The following SRFBP1 variants were observed in gnomAD, a reference collection of about 807,000 sequenced individuals.
SRFBP1 encodes the protein serum response factor-binding protein 1.
SRFBP1 carries 47 observed loss-of-function variants against 45.5 expected under a neutral mutation model. That is an observed-to-expected ratio of 1.03 (90% confidence interval 0.82 to 1.32). The LOEUF is 1.32. SRFBP1 is among the 40% of genes most tolerant of loss of function. The pLI, the probability that SRFBP1 is intolerant of heterozygous loss-of-function variation, is 0.00. For synonymous variants in SRFBP1, 203 were observed against 166.3 expected, an observed-to-expected ratio of 1.22 and a Z score of -1.70; for missense variants, 621 against 484.6, an observed-to-expected ratio of 1.28 and a Z score of -2.64.
At chr5:122,071,927 G>A (rs769259111) in intron 2 of SRFBP1, among the ~76,000 whole-genome samples, 1 of 152,126 alleles carries the variant, frequency 6.6e-6, no homozygotes, top group Non-Finnish European at 1.5e-5. Flanking sequence ...CAGTGTCACA[G>A]CAGTGAGACT....
At chr5:121,998,737 T>C (rs1263361486) in intron 4 of SRFBP1, among the ~76,000 whole-genome samples, 17 of 152,236 alleles carry the variant, frequency 1.1e-4, no homozygotes. Context: ...ATCTGTACAT[T>C]TACTCTTTGA....
chr5:122,076,741 G>T (rs571020062), downstream of SRFBP1: 12 of 629,304 alleles, frequency 1.9e-5, no homozygotes, highest in African/African-American at 2.0e-4. Context: ...CTCCGTCCAG[G>T]TCAGCATGCC....
At chr5:122,022,762 C>G (rs981662384) in intron 7 of SRFBP1, among the ~76,000 whole-genome samples, 2 of 152,208 alleles carry the variant, frequency 1.3e-5, no homozygotes, top group African/African-American at 4.8e-5. Flanking sequence ...AAGTATATTA[C>G]TTTCTTGGGC....
chr5:122,069,731 G>T (rs1306130799), intron 2 of SRFBP1, among the ~76,000 whole-genome samples: 1 of 152,026 alleles, frequency 6.6e-6, no homozygotes, highest in Non-Finnish European at 1.5e-5. Flanking sequence ...AACTACTGGG[G>T]CTTCTACAAG....
At chr5:122,011,114 A>C (rs1253320314) in intron 4 of SRFBP1, among the ~76,000 whole-genome samples, 1 of 152,154 alleles carries the variant, frequency 6.6e-6, no homozygotes, top group Non-Finnish European at 1.5e-5. Context: ...CTGATATTCA[A>C]AGTACTGCTA....
Position 122,074,048 on chromosome 5 carries a change from A to G in SRFBP1, n.312-1267A>G. ...GCAGTACATGCAAATCGCCTGTGGT[A>G]GCCATAGTCACAGGATGTGTCTTCA... On this transcript the variant is annotated intron_variant and non_coding_transcript_variant, in intron 2 of 2. Transcript: ENST00000504881. 1 of 1,614,066 alleles carries G rather than the reference A, an allele frequency of 6.2e-7. No homozygotes were observed. The highest frequency in any genetic ancestry group is 8.5e-7 in the Non-Finnish European group (1 of 1,179,938).
chr5:122,037,421 A>G (rs1410968095), intron 2 of SRFBP1, among the ~76,000 whole-genome samples: 1 of 152,202 alleles, frequency 6.6e-6, no homozygotes, highest in East Asian at 1.9e-4. Flanking sequence ...CCCATTCCTC[A>G]TAGAATTCTT....
intron 4 of SRFBP1, among the ~76,000 whole-genome samples, chr5:122,007,820 T>C (rs1753009576): frequency 1.3e-5 from 2 of 152,040 alleles, no homozygotes; most frequent in Non-Finnish European, 2.9e-5. Flanking sequence ...CTGGTGTTTG[T>C]GTCCAAGGGT....
rs532792088 is a variant in SRFBP1, at chr5:122,019,326, A to T, written c.337A>T (p.Ile113Leu). 2.5e-6 allele frequency: 4 copies of T among 1,612,134 alleles called. No individual in the cohort carries two copies. In the South Asian group the frequency reaches 4.4e-5, roughly 18 times the overall value. ...AGTACATCCTCTTCTGAAGAAAAAG[A>T]TAGATGTGCTAAAAGGTATGAATTA... Reference protein sequence around the residue: ...LAVHPLLKKKIDVLKAAVQAF... With the variant: ...LAVHPLLKKKLDVLKAAVQAF... The change falls in exon 5 of 8, where the codon ATA becomes TTA. Residue 113 changes from isoleucine to leucine, a missense_variant. By Grantham distance (5) the Ile-to-Leu change is conservative. Coordinates refer to ENST00000339397, the MANE Select transcript of SRFBP1 (RefSeq NM_152546.3).
intron 5 of SRFBP1, 75 bp from the exon 6 acceptor site, chr5:122,020,013 T>A (rs958866374): frequency 1.1e-5 from 11 of 994,738 alleles, no homozygotes; most frequent in African/African-American, 3.4e-5. Flanking sequence ...AATAATTTTT[T>A]AAAATACTGT....
intron 2 of SRFBP1, chr5:122,075,215 T>G (rs1168204298): frequency 7.8e-6 from 4 of 513,840 alleles, no homozygotes; most frequent in African/African-American, 1.9e-5. Context: ...GCTTCAGATT[T>G]TCCATTTCAA....
downstream of SRFBP1, among the ~76,000 whole-genome samples, chr5:122,029,614 C>T (rs1319089608): frequency 3.3e-5 from 5 of 152,122 alleles, no homozygotes; most frequent in South Asian, 1.0e-3. Flanking sequence ...TTCAGTAAGG[C>T]CACTGAGCTC....
intron 2 of SRFBP1, chr5:122,064,390 G>T (rs539723592): frequency 6.6e-6 from 1 of 151,836 alleles, no homozygotes; most frequent in Admixed American, 6.6e-5. Flanking sequence ...AGAGGTGCCA[G>T]GAGGGGGATG....
intron 2 of SRFBP1, among the ~76,000 whole-genome samples, chr5:122,056,351 A>G (rs564247908): frequency 1.3e-5 from 2 of 152,312 alleles, no homozygotes; most frequent in East Asian, 1.9e-4. Flanking sequence ...CAGCTAGAAA[A>G]CAATCAAATA....
Position 122,000,376 on chromosome 5 carries a change from T to C in SRFBP1, c.270+5706T>C, listed in dbSNP as rs568239894. Among the ~76,000 whole-genome samples the C allele has an allele frequency of 2.2e-4, 34 of 152,226 alleles. 1 individual carries two copies. The South Asian group carries it at 7.0e-3, about 32-fold the overall frequency. ...TAAATCATTTTTATACTTTCACTTA[T>C]TCAGTTTTGATTGCTCTTTATTTCC... On this transcript the variant is annotated intron_variant, in intron 4 of 7. Coordinates refer to ENST00000339397, the MANE Select transcript of SRFBP1 (RefSeq NM_152546.3).
At chr5:121,991,335 G>A (rs1375606521) in intron 3 of SRFBP1, among the ~76,000 whole-genome samples, 2 of 152,048 alleles carry the variant, frequency 1.3e-5, no homozygotes, top group Non-Finnish European at 2.9e-5. Flanking sequence ...AAAAAAAGTT[G>A]TTTAAAATTC....
chr5:122,043,218 C>CT (rs1291534234), intron 2 of SRFBP1, among the ~76,000 whole-genome samples: 3 of 149,772 alleles, frequency 2.0e-5, no homozygotes, highest in South Asian at 2.1e-4. Flanking sequence ...CTTTTTTTTT[C>CT]TTTTTTTTCT....
chr5:122,049,416 CAAT>C (rs886119337), intron 2 of SRFBP1, among the ~76,000 whole-genome samples: 1 of 152,074 alleles, frequency 6.6e-6, no homozygotes, highest in African/African-American at 2.4e-5. Context: ...GACTCCCACA[CAAT>C]AATAATAGGA....
intron 4 of SRFBP1, among the ~76,000 whole-genome samples, chr5:122,005,593 T>C (rs1200485629): frequency 5.3e-5 from 8 of 152,202 alleles, no homozygotes; most frequent in Admixed American, 5.2e-4. Context: ...TTTTTTGTTT[T>C]TTAAATTCAT....
Sources: gnomAD v4.1 joint callset for allele counts (sites outside exome capture counted in the v4.1 genomes callset) on GRCh38, gnomAD v4.1.1 for gene constraint, MANE v1.5 for transcripts, NCBI Gene and HGNC (gene_info 2026-07-23, HGNC 2026-07-21) for gene names.